The following TMEM117 variants were observed in gnomAD, a reference collection of about 807,000 sequenced individuals.
TMEM117 encodes transmembrane protein 117.
TMEM117 carries 27 observed loss-of-function variants against 52.4 expected under a neutral mutation model. The observed-to-expected ratio is 0.51, with a 90% CI of 0.38 to 0.71. TMEM117 has a LOEUF of 0.71. Among genes scored for constraint, TMEM117 ranks in the 30% least tolerant of loss-of-function variants. The probability of loss-of-function intolerance (pLI) is 0.00; values close to 1 mark genes in which losing one functional copy is unlikely to be tolerated. For synonymous variants in TMEM117, 215 were observed against 206.3 expected, an observed-to-expected ratio of 1.04 and a Z score of -0.36; for missense variants, 556 against 630.5, an observed-to-expected ratio of 0.88 and a Z score of 1.26.
At chr12:44,213,209 C>T (rs1949670115) in intron 5 of TMEM117, among the ~76,000 whole-genome samples, 1 of 152,140 alleles carries the variant, frequency 6.6e-6, no homozygotes, top group Non-Finnish European at 1.5e-5. Flanking sequence ...TCATGACAAT[C>T]CCATAAGATA....
At chr12:43,814,732 T>G in the TMEM117 span, among the ~76,000 whole-genome samples, 1 of 150,894 alleles carries the variant, frequency 6.6e-6, no homozygotes, top group Non-Finnish European at 1.5e-5. Flanking sequence ...AGTCCTGGGT[T>G]TGAATCTTTT....
intron 6 of TMEM117, among the ~76,000 whole-genome samples, chr12:44,346,730 G>C (rs2138766922): frequency 6.6e-6 from 1 of 152,194 alleles, no homozygotes; most frequent in African/African-American, 2.4e-5. Context: ...TGAGTCAGCA[G>C]AGTGATTTCA....
chr12:44,190,219 T>C (rs1949333145), intron 4 of TMEM117, among the ~76,000 whole-genome samples: 1 of 152,184 alleles, frequency 6.6e-6, no homozygotes, highest in Non-Finnish European at 1.5e-5. Flanking sequence ...AAAGGCAACT[T>C]TGGATTTGGA....
intron 2 of TMEM117, among the ~76,000 whole-genome samples, chr12:43,899,915 A>G (rs553659484): frequency 8.5e-4 from 130 of 152,286 alleles, no homozygotes; most frequent in Non-Finnish European, 1.7e-3. Flanking sequence ...AAAGATTTAT[A>G]TATATTCATT....
intron 1 of TMEM117, among the ~76,000 whole-genome samples, chr12:43,841,244 A>G (rs1452262980): frequency 6.6e-6 from 1 of 152,226 alleles, no homozygotes; most frequent in Admixed American, 6.5e-5. Flanking sequence ...TGTAAGCATG[A>G]TGGGAAATAT....
At chr12:44,277,873 C>T (rs1290451525) in intron 5 of TMEM117, among the ~76,000 whole-genome samples, 1 of 150,530 alleles carries the variant, frequency 6.6e-6, no homozygotes, top group East Asian at 2.0e-4. Flanking sequence ...AAGCGATTCT[C>T]CTGCCTCAGC....
intron 2 of TMEM117, among the ~76,000 whole-genome samples, chr12:43,920,077 T>A (rs2137553442): frequency 6.6e-6 from 1 of 152,218 alleles, no homozygotes; most frequent in East Asian, 1.9e-4. Flanking sequence ...CTGCAACCTC[T>A]CCTTTTTTAC....
chr12:43,952,597 G>A (rs1945242001), intron 3 of TMEM117, among the ~76,000 whole-genome samples: 1 of 151,988 alleles, frequency 6.6e-6, no homozygotes, highest in South Asian at 2.1e-4. Context: ...AGAGAATAAA[G>A]AATGTGAAAA....
chr12:43,796,179 T>C, the TMEM117 span, among the ~76,000 whole-genome samples: 2 of 152,172 alleles, frequency 1.3e-5, no homozygotes, highest in Non-Finnish European at 2.9e-5. Context: ...TTTTAAGGGT[T>C]GTTAAACAAC....
intron 6 of TMEM117, among the ~76,000 whole-genome samples, chr12:44,371,428 G>T (rs1277791790): frequency 6.6e-6 from 1 of 152,118 alleles, no homozygotes; most frequent in Non-Finnish European, 1.5e-5. Context: ...TAACATTTAA[G>T]AATTTATAGC....
In TMEM117 at chr12:43,930,542, G is replaced by A. The variant is rs1442458540; in HGVS notation, c.278-13668G>A. On this transcript the variant is annotated intron_variant, in intron 2 of 7. Coordinates refer to ENST00000266534, the MANE Select transcript of TMEM117 (RefSeq NM_032256.3). ...TGCAATAAATTTGGCTCATCTAAGT[G>A]CATTTTCTTTCCTTAGTGATCTTGG... Among the ~76,000 whole-genome samples, 3 of 152,118 alleles carry A rather than the reference G, an allele frequency of 2.0e-5. No homozygotes were observed. In the East Asian group the frequency reaches 5.8e-4, roughly 29 times the overall value.
chr12:43,884,868 C>T (rs1357491571), intron 2 of TMEM117, among the ~76,000 whole-genome samples: 2 of 152,162 alleles, frequency 1.3e-5, no homozygotes, highest in African/African-American at 2.4e-5. Context: ...ATCAGTACTG[C>T]ACAAAGCTCT....
chr12:43,839,082 A>G (rs1943077323), intron 1 of TMEM117, among the ~76,000 whole-genome samples: 1 of 152,048 alleles, frequency 6.6e-6, no homozygotes, highest in African/African-American at 2.4e-5. Context: ...TGTATTAGTA[A>G]ATTTTATTAG....
intron 5 of TMEM117, among the ~76,000 whole-genome samples, chr12:44,238,202 A>C (rs918722507): frequency 1.3e-5 from 2 of 152,212 alleles, no homozygotes; most frequent in Non-Finnish European, 2.9e-5. Context: ...AAAAGTTAAA[A>C]GAGTTGAGCA....
chr12:44,276,901 T>C (rs1270612548), intron 5 of TMEM117, among the ~76,000 whole-genome samples: 1 of 147,054 alleles, frequency 6.8e-6, no homozygotes, highest in Admixed American at 6.7e-5. Flanking sequence ...TGTGTGTGTG[T>C]GTGTGTATGT....
At chr12:44,022,589 A>G (rs192606147) in intron 3 of TMEM117, among the ~76,000 whole-genome samples, 1 of 152,176 alleles carries the variant, frequency 6.6e-6, no homozygotes, top group Non-Finnish European at 1.5e-5. Context: ...TACAGGTGTC[A>G]TGAGGAATGT....
intron 6 of TMEM117, among the ~76,000 whole-genome samples, chr12:44,354,615 A>G (rs1006128171): frequency 1.3e-5 from 2 of 151,970 alleles, no homozygotes; most frequent in African/African-American, 2.4e-5. Context: ...ACAAAATTCA[A>G]CAACCCTTCA....
chr12:43,982,789 G>C (rs902702302), intron 3 of TMEM117, among the ~76,000 whole-genome samples: 8 of 152,094 alleles, frequency 5.3e-5, no homozygotes, highest in African/African-American at 1.9e-4. Flanking sequence ...AACACAGAGC[G>C]TATTCACATA....
chr12:43,983,544 A>T (rs1419551281), intron 3 of TMEM117, among the ~76,000 whole-genome samples: 2 of 75,756 alleles, frequency 2.6e-5, no homozygotes, highest in Admixed American at 1.7e-4. Flanking sequence ...CTTTTGCACC[A>T]ACCGTGTGTG....
Sources: allele counts gnomAD v4.1 joint callset (sites outside exome capture counted in the v4.1 genomes callset), GRCh38; gene constraint gnomAD v4.1.1; transcripts MANE v1.5; gene names NCBI Gene and HGNC (gene_info 2026-07-23, HGNC 2026-07-21).